The following BCL2 variants were observed in gnomAD, a reference collection of about 807,000 sequenced individuals.
The protein encoded by BCL2 is BCL2 apoptosis regulator.
BCL2 carries 1 observed loss-of-function variant against 14.2 expected under a neutral mutation model. That is an observed-to-expected ratio of 0.07 (90% CI 0.02 to 0.33). The LOEUF (loss-of-function observed/expected upper bound fraction) is 0.33. BCL2 is among the 10% of genes least tolerant of loss of function. The probability of loss-of-function intolerance (pLI) is 0.99; values close to 1 mark genes in which losing one functional copy is unlikely to be tolerated. For missense variants in BCL2, 247 were observed against 305.9 expected (o/e 0.81, Z 1.44); for synonymous variants, 151 against 137.2 (o/e 1.10, Z -0.70).
intron 2 of BCL2, among the ~76,000 whole-genome samples, chr18:63,193,158 GC>G (rs1909334099): frequency 6.6e-6 from 1 of 152,206 alleles, no homozygotes; most frequent in Admixed American, 6.5e-5. Context: ...CATGGAAGAT[GC>G]CTGTTATGAA....
At chr18:63,207,597 G>A (rs1163980724) in intron 2 of BCL2, 3 of 152,218 alleles carry the variant, frequency 2.0e-5, no homozygotes, top group Non-Finnish European at 4.4e-5. Context: ...AGACTGCCTG[G>A]GAGCACCAGA....
chr18:63,154,412 G>A (rs1056787634), intron 2 of BCL2, among the ~76,000 whole-genome samples: 2 of 152,074 alleles, frequency 1.3e-5, no homozygotes, highest in African/African-American at 4.8e-5. Context: ...AAGCAGTTGC[G>A]TCCCTCTCTC....
chr18:63,186,384 C>T (rs1273368127), intron 2 of BCL2, among the ~76,000 whole-genome samples: 1 of 152,208 alleles, frequency 6.6e-6, no homozygotes, highest in Non-Finnish European at 1.5e-5. Context: ...GTATTACTGA[C>T]TGCCTTTAAT....
chr18:63,246,598 C>G (rs1226759975), intron 2 of BCL2, among the ~76,000 whole-genome samples: 1 of 152,184 alleles, frequency 6.6e-6, no homozygotes, highest in East Asian at 1.9e-4. Context: ...TACCCGCTCC[C>G]TCCCATGACA....
rs149347914 is a variant in BCL2, at chr18:63,134,252, C to T, written c.586-5493G>A. On this transcript the variant is annotated intron_variant, in intron 2 of 2. Coordinates refer to ENST00000333681, the MANE Select transcript of BCL2 (RefSeq NM_000633.3). ...ATATTACTATTTATGAAATATATTT[C>T]AATATATACTACATAGAATAATGTT... Among the ~76,000 whole-genome samples the T allele has an allele frequency of 1.6e-3, 249 of 152,080 alleles. 1 individual carries two copies. The highest frequency in any genetic ancestry group is 5.6e-3 in the African/African-American group (233 of 41,446).
chr18:63,128,877 G>A, intron 2 of BCL2, 118 bp from the exon 3 acceptor site: 7 of 604,190 alleles, frequency 1.2e-5, no homozygotes, highest in South Asian at 1.1e-4. Context: ...TCAGAAGGGT[G>A]AGAGGGGAAA....
At chr18:63,309,400 G>A (rs1440344687) in intron 2 of BCL2, among the ~76,000 whole-genome samples, 1 of 152,154 alleles carries the variant, frequency 6.6e-6, no homozygotes, top group African/African-American at 2.4e-5. Context: ...TCACATGTAC[G>A]CCACAAAGCA....
At chr18:63,246,983 G>A (rs1354815549) in intron 2 of BCL2, among the ~76,000 whole-genome samples, 2 of 152,118 alleles carry the variant, frequency 1.3e-5, no homozygotes, top group Admixed American at 6.5e-5. Context: ...GTTTGGCTAC[G>A]AGAATAAACA....
At chr18:63,251,007 G>T (rs1316840492) in intron 2 of BCL2, among the ~76,000 whole-genome samples, 1 of 151,908 alleles carries the variant, frequency 6.6e-6, no homozygotes, top group Non-Finnish European at 1.5e-5. Context: ...CACCGCTCTG[G>T]GTTTCTTGGC....
At chr18:63,252,733 G>A (rs1156289258) in intron 2 of BCL2, among the ~76,000 whole-genome samples, 1 of 152,132 alleles carries the variant, frequency 6.6e-6, no homozygotes, top group African/African-American at 2.4e-5. Flanking sequence ...GGAACTGTAT[G>A]TCCAATAAAC....
At position 63,125,915 on chromosome 18, in the gene BCL2, T is replaced by C. The variant is rs747252845; in HGVS notation, c.*2710A>G. 9.9e-5 allele frequency: 21 copies of C among 211,814 alleles called. No individual in the cohort carries two copies. Among genetic ancestry groups the C allele is most frequent in the Non-Finnish European group, 1.9e-4 (20 of 104,154 alleles). The allele number at this position is 211,814 out of a possible 1,614,324, so 13.1% of individuals were successfully genotyped here. On this transcript the variant is annotated 3_prime_UTR_variant, in exon 3 of 3. Coordinates refer to ENST00000333681, the MANE Select transcript of BCL2 (RefSeq NM_000633.3). Reference sequence around the variant, plus strand: ...GCAATTAGCCCCCGTGACCTCTTAATATATATACATTTTTCAAATACTCTG... The same window carrying C: ...GCAATTAGCCCCCGTGACCTCTTAACATATATACATTTTTCAAATACTCTG...
At chr18:63,317,388 A>C (rs753198227) in intron 2 of BCL2, 16 of 241,650 alleles carry the variant, frequency 6.6e-5, no homozygotes, top group Non-Finnish European at 8.7e-5. Context: ...AAGGTAGCAA[A>C]GCCATAGCCT....
chr18:63,302,745 G>A (rs901699181), intron 2 of BCL2: 21 of 985,294 alleles, frequency 2.1e-5, no homozygotes, highest in Admixed American at 6.2e-5. Context: ...TGCAGTAAGA[G>A]TTTCCTATCT....
In BCL2 at chr18:63,124,840, C is replaced by T. The variant is rs1449626686; in HGVS notation, c.*3785G>A. ...AATTTCCTTAGAATGGCTTGTATTT[C>T]GAGCCTTTCCTGTTTTTCTCTGATA... On this transcript the variant is annotated 3_prime_UTR_variant, in exon 3 of 3. Coordinates refer to ENST00000333681, the MANE Select transcript of BCL2 (RefSeq NM_000633.3). 8.8e-6 allele frequency: 2 copies of T among 227,854 alleles called. No individual in the cohort carries two copies. Among genetic ancestry groups the T allele is most frequent in the African/African-American group, 2.2e-5 (1 of 45,006 alleles). The allele number at this position is 227,854 out of a possible 1,614,324, so 14.1% of individuals were successfully genotyped here.
intron 2 of BCL2, among the ~76,000 whole-genome samples, chr18:63,311,565 G>T (rs906305398): frequency 1.3e-5 from 2 of 152,170 alleles, no homozygotes; most frequent in African/African-American, 4.8e-5. Flanking sequence ...AATGAGCAGA[G>T]TGGAGTCAGT....
chr18:63,220,774 G>A (rs888527579), intron 2 of BCL2, among the ~76,000 whole-genome samples: 8 of 151,764 alleles, frequency 5.3e-5, no homozygotes, highest in South Asian at 4.2e-4. Context: ...AGACTTCAGG[G>A]AAGGTTTCCG....
intron 2 of BCL2, among the ~76,000 whole-genome samples, chr18:63,291,542 A>T (rs930509266): frequency 6.6e-6 from 1 of 152,202 alleles, no homozygotes; most frequent in African/African-American, 2.4e-5. Context: ...GTCCTGAATC[A>T]TTCAGAGGAA....
chr18:63,156,106 A>AAAG, intron 2 of BCL2, among the ~76,000 whole-genome samples: 1 of 150,160 alleles, frequency 6.7e-6, no homozygotes. Flanking sequence ...AAAAAAAAAA[A>AAAG]GGCTTGGACG....
chr18:63,136,940 C>T (rs1220886329), intron 2 of BCL2, among the ~76,000 whole-genome samples: 2 of 152,242 alleles, frequency 1.3e-5, no homozygotes, highest in African/African-American at 4.8e-5. Flanking sequence ...AGTAGATGCA[C>T]TGCCAATTTT....
Sources: gnomAD v4.1 joint callset for allele counts (sites outside exome capture counted in the v4.1 genomes callset) on GRCh38, gnomAD v4.1.1 for gene constraint, MANE v1.5 for transcripts, NCBI Gene and HGNC (gene_info 2026-07-23, HGNC 2026-07-21) for gene names.